The following LAMA2 variants were observed in gnomAD, a reference collection of about 807,000 sequenced individuals.
LAMA2 encodes the protein laminin subunit alpha 2.
A neutral mutation model predicts 364.8 loss-of-function variants in LAMA2; 269 were observed. The observed-to-expected ratio is 0.74, with a 90% CI of 0.67 to 0.82. The LOEUF (loss-of-function observed/expected upper bound fraction) is 0.82. Ranked by LOEUF, LAMA2 falls within the 40% of genes least tolerant of loss-of-function variation. The probability of loss-of-function intolerance (pLI) is 0.00; values close to 1 mark genes in which losing one functional copy is unlikely to be tolerated. For missense variants in LAMA2, 3,807 were observed against 3,873.2 expected (o/e 0.98, Z 0.45); for synonymous variants, 1,379 against 1,370.6 (o/e 1.01, Z -0.14).
At chr6:129,456,006 G>A (rs74683622) in intron 47 of LAMA2, among the ~76,000 whole-genome samples, 5,053 of 152,182 alleles carry the variant, frequency 0.033, 286 homozygotes, top group African/African-American at 0.12. Context: ...TAAGCCATAG[G>A]AAAAAGGCTT....
In LAMA2 at chr6:129,492,444, C is replaced by T. The variant is rs559453268; in HGVS notation, c.8205C>T (p.Pro2735=). The change falls in exon 58 of 65, where the codon CCC becomes CCT. Residue 2735 remains proline, a synonymous_variant. Coordinates refer to ENST00000421865, the MANE Select transcript of LAMA2 (RefSeq NM_000426.4). ...TAGTTATCCAGCCTGAGCCAGTTCC[C>T]ACCCCAGCCTTTCCTACGCCCACCC... is the stretch of plus-strand genomic sequence containing the variant. ...AEIVIQPEPV[P]TPAFPTPTPV... The T allele has an allele frequency of 7.4e-6, 12 of 1,614,110 alleles. No individual in the cohort carries two copies. In the South Asian group the frequency reaches 1.2e-4, roughly 16 times the overall value.
At chr6:129,232,360 T>A (rs1784716221) in intron 12 of LAMA2, among the ~76,000 whole-genome samples, 2 of 152,096 alleles carry the variant, frequency 1.3e-5, no homozygotes, top group South Asian at 4.1e-4. Flanking sequence ...GCTGCAGTCC[T>A]GTTGTTAGAA....
intron 41 of LAMA2, among the ~76,000 whole-genome samples, chr6:129,434,935 A>C (rs995987443): frequency 6.6e-6 from 1 of 152,126 alleles, no homozygotes; most frequent in African/African-American, 2.4e-5. Context: ...GATCAGAGTC[A>C]AGCAGCTGAA....
Position 129,393,053 on chromosome 6 carries a change from A to C in LAMA2, c.5243A>C (p.Glu1748Ala). Residue 1748 changes from glutamate (E) to alanine (A), a missense_variant, in exon 37 of 65, where the codon GAA becomes GCA. Physicochemically the swap from Glu to Ala is moderately radical, Grantham distance 107. Around this residue, in one of 3 missense-constraint regions of LAMA2, gnomAD observed 3,333 missense variants for 3,345.7 expected, o/e 1.00. Transcript: ENST00000421865. ...EIAEDELVAA[E>A]ALLKKVKKLF... ...GCTGGGGGTGGTTACAGAGCTGCAG[A>C]AGCCCTTCTGAAAAAAGTGAAGAAG... 2.5e-6 allele frequency: 4 copies of C among 1,613,460 alleles called. No individual in the cohort carries two copies. The highest frequency in any genetic ancestry group is 3.4e-6 in the Non-Finnish European group (4 of 1,179,850).
intron 10 of LAMA2, among the ~76,000 whole-genome samples, chr6:129,187,020 A>T (rs1430217891): frequency 6.6e-6 from 1 of 151,888 alleles, no homozygotes; most frequent in African/African-American, 2.4e-5. Context: ...GCATTTATTA[A>T]TAATTTGATA....
At chr6:129,396,546 G>A (rs927266943) in intron 37 of LAMA2, among the ~76,000 whole-genome samples, 1 of 152,164 alleles carries the variant, frequency 6.6e-6, no homozygotes, top group South Asian at 2.1e-4. Context: ...GATCATAGAA[G>A]GCTTTGGATG....
chr6:129,187,995 T>C (rs1383280382), intron 10 of LAMA2, among the ~76,000 whole-genome samples: 2 of 151,902 alleles, frequency 1.3e-5, no homozygotes, highest in Non-Finnish European at 2.9e-5. Context: ...GTTGAATTTT[T>C]AAACCATGCT....
chr6:129,166,457 T>C (rs1266091641), intron 9 of LAMA2, among the ~76,000 whole-genome samples: 1 of 152,196 alleles, frequency 6.6e-6, no homozygotes, highest in Non-Finnish European at 1.5e-5. Flanking sequence ...GTTTCTTAGG[T>C]ACAATTCTTG....
chr6:128,964,661 C>G (rs1781731048), intron 1 of LAMA2, among the ~76,000 whole-genome samples: 1 of 152,014 alleles, frequency 6.6e-6, no homozygotes, highest in Admixed American at 6.6e-5. Flanking sequence ...TATGTTTAAA[C>G]AATGTAACCT....
At chr6:129,462,048 A>G (rs1248362485) in intron 49 of LAMA2, among the ~76,000 whole-genome samples, 16 of 152,028 alleles carry the variant, frequency 1.1e-4, no homozygotes, top group Admixed American at 1.0e-3. Flanking sequence ...GTAAGAGTCC[A>G]AAAAGAGGAG....
At chr6:128,923,331 CT>C (rs1778863159) in intron 1 of LAMA2, among the ~76,000 whole-genome samples, 1 of 151,050 alleles carries the variant, frequency 6.6e-6, no homozygotes, top group Non-Finnish European at 1.5e-5. Context: ...TTGATTCTTC[CT>C]ACCCATGAGC....
chr6:129,373,397 A>G (rs2114634521), intron 34 of LAMA2, among the ~76,000 whole-genome samples: 1 of 152,350 alleles, frequency 6.6e-6, no homozygotes, highest in South Asian at 2.1e-4. Context: ...CACATACTCC[A>G]TTCCCAGTCT....
chr6:128,960,079 A>G (rs1160100708), intron 1 of LAMA2, among the ~76,000 whole-genome samples: 1 of 152,028 alleles, frequency 6.6e-6, no homozygotes, highest in Non-Finnish European at 1.5e-5. Context: ...TATATATGTG[A>G]TCAGATTTTT....
intron 32 of LAMA2, among the ~76,000 whole-genome samples, chr6:129,359,497 T>C (rs1777342133): frequency 6.6e-6 from 1 of 151,786 alleles, no homozygotes; most frequent in African/African-American, 2.4e-5. Context: ...TAAAATAGAA[T>C]GACTAAATAC....
intron 12 of LAMA2, among the ~76,000 whole-genome samples, chr6:129,235,004 A>G (rs1784894894): frequency 6.6e-6 from 1 of 152,186 alleles, no homozygotes; most frequent in Non-Finnish European, 1.5e-5. Context: ...TATGATTTTT[A>G]AAAGTGGGAG....
chr6:129,353,743 G>A (rs891037027), intron 32 of LAMA2, among the ~76,000 whole-genome samples: 8 of 152,200 alleles, frequency 5.3e-5, no homozygotes, highest in Non-Finnish European at 7.4e-5. Context: ...ATTTGTAATC[G>A]ACTGGACAGA....
At chr6:129,106,874 AAAT>A (rs1775859321) in intron 4 of LAMA2, among the ~76,000 whole-genome samples, 1 of 143,176 alleles carries the variant, frequency 7.0e-6, no homozygotes. Context: ...AAAAAAAAAA[AAAT>A]ATATATATAT....
chr6:129,298,261 T>C (rs1441229439), intron 21 of LAMA2, among the ~76,000 whole-genome samples: 1 of 152,138 alleles, frequency 6.6e-6, no homozygotes, highest in African/African-American at 2.4e-5. Flanking sequence ...GCAAAATTGG[T>C]ATCCGGATCA....
intron 30 of LAMA2, among the ~76,000 whole-genome samples, chr6:129,343,115 C>T (rs2114570237): frequency 6.6e-6 from 1 of 152,194 alleles, no homozygotes; most frequent in Non-Finnish European, 1.5e-5. Context: ...GATGAAAACC[C>T]TAGGTGTTTT....
Sources: gnomAD v4.1 joint callset for allele counts (sites outside exome capture counted in the v4.1 genomes callset) on GRCh38, gnomAD v4.1.1 for gene constraint, gnomAD v4.1.1 regional missense constraint, MANE v1.5 for transcripts, NCBI Gene and HGNC (gene_info 2026-07-23, HGNC 2026-07-21) for gene names.